FBXL4: variants seen among roughly 807,000 people sequenced by gnomAD.
The protein encoded by FBXL4 is F-box and leucine rich repeat protein 4.
In FBXL4, 40 loss-of-function variants were observed where a neutral mutation model predicts 58.9. That is an observed-to-expected ratio of 0.68 (90% confidence interval 0.53 to 0.88). FBXL4 has a LOEUF of 0.88. Among genes scored for constraint, FBXL4 ranks in the 40% least tolerant of loss-of-function variants. The pLI is 0.00. For missense variants in FBXL4, 676 were observed against 734.4 expected (o/e 0.92, Z 0.92); for synonymous variants, 263 against 265.5 (o/e 0.99, Z 0.09).
chr6:98,898,935 C>T, intron 7 of FBXL4: 1 of 985,392 alleles, frequency 1.0e-6, no homozygotes, highest in Non-Finnish European at 1.2e-6. Context: ...AGCAAATGTC[C>T]TCTTACATAT....
intron 7 of FBXL4, among the ~76,000 whole-genome samples, chr6:98,882,306 A>G (rs1302148878): frequency 6.6e-6 from 1 of 152,080 alleles, no homozygotes; most frequent in Non-Finnish European, 1.5e-5. Context: ...CCTCAGAGGT[A>G]AACTTTATCA....
chr6:98,898,599 C>T (rs377746395), intron 7 of FBXL4: 14 of 958,536 alleles, frequency 1.5e-5, no homozygotes, highest in East Asian at 1.2e-4. Flanking sequence ...AGTGAGACTC[C>T]GTCTCAAAAA....
chr6:98,941,868 A>T (rs766102110), intron 1 of FBXL4, among the ~76,000 whole-genome samples: 8 of 152,140 alleles, frequency 5.3e-5, no homozygotes, highest in Non-Finnish European at 8.8e-5. Context: ...AGTTTTTTTT[A>T]AAAATCATTG....
chr6:98,901,359 G>A (rs574946837), intron 6 of FBXL4, among the ~76,000 whole-genome samples: 16 of 152,088 alleles, frequency 1.1e-4, no homozygotes, highest in African/African-American at 3.1e-4. Flanking sequence ...ACAGTGAGAC[G>A]GGGGATGCAG....
At chr6:98,932,429 T>C (rs1411498389) in intron 2 of FBXL4, among the ~76,000 whole-genome samples, 4 of 152,212 alleles carry the variant, frequency 2.6e-5, no homozygotes, top group African/African-American at 4.8e-5. Context: ...TTAAACCACA[T>C]CTTCCATATT....
At chr6:98,927,106 AG>A in intron 3 of FBXL4, 46 bp from the exon 4 acceptor site, 1 of 955,820 alleles carries the variant, frequency 1.0e-6, no homozygotes, top group African/African-American at 1.6e-5. Flanking sequence ...TTAAATAAGC[AG>A]AAAAATGCAT....
At chr6:98,889,319 T>G (rs1771142114) in intron 7 of FBXL4, among the ~76,000 whole-genome samples, 1 of 152,182 alleles carries the variant, frequency 6.6e-6, no homozygotes. Flanking sequence ...CTTTCACAAC[T>G]GCCTTCTTGT....
At chr6:98,925,587 T>TGGGG (rs1562244633) in intron 4 of FBXL4, among the ~76,000 whole-genome samples, 1 of 152,142 alleles carries the variant, frequency 6.6e-6, no homozygotes, top group Admixed American at 6.5e-5. Context: ...TGCCCATCAA[T>TGGGG]GGGGGACTAG....
intron 1 of FBXL4, among the ~76,000 whole-genome samples, chr6:98,943,038 C>T (rs1286691699): frequency 6.6e-6 from 1 of 152,046 alleles, no homozygotes; most frequent in Non-Finnish European, 1.5e-5. Flanking sequence ...TTACTTACAA[C>T]TAAACAGGCA....
intron 8 of FBXL4, among the ~76,000 whole-genome samples, chr6:98,876,830 G>C (rs1012859876): frequency 1.3e-5 from 2 of 152,114 alleles, no homozygotes; most frequent in Admixed American, 1.3e-4. Flanking sequence ...GGCTATGGAG[G>C]GCAGAGTCAC....
At chr6:98,883,983 T>C (rs188154206) in intron 7 of FBXL4, among the ~76,000 whole-genome samples, 8 of 152,098 alleles carry the variant, frequency 5.3e-5, no homozygotes, top group Non-Finnish European at 2.9e-5. Context: ...TCCATGGTCA[T>C]TAGTTAATTT....
chr6:98,940,868 G>C (rs150937096), intron 1 of FBXL4, among the ~76,000 whole-genome samples: 3 of 152,212 alleles, frequency 2.0e-5, no homozygotes, highest in South Asian at 4.1e-4. Flanking sequence ...TTTCATCTTA[G>C]ACCTGGGAAG....
intron 7 of FBXL4, among the ~76,000 whole-genome samples, chr6:98,884,558 A>C (rs1374280836): frequency 6.6e-6 from 1 of 152,216 alleles, no homozygotes; most frequent in Non-Finnish European, 1.5e-5. Context: ...CTTGATAAGA[A>C]GTCTACTGTC....
intron 4 of FBXL4, among the ~76,000 whole-genome samples, chr6:98,919,878 G>T (rs1308820361): frequency 6.6e-6 from 1 of 152,074 alleles, no homozygotes; most frequent in Non-Finnish European, 1.5e-5. Flanking sequence ...GACACCAGAC[G>T]ATGCTGGAGG....
rs985308861 is a variant in FBXL4, at chr6:98,870,766, T to C, written c.*3512A>G. ...AGAGTATGATGTTTAATATGCAATG[T>C]CATTATAGCTGTTCTTAAAGAATAC... On this transcript the variant is annotated 3_prime_UTR_variant, in exon 10 of 10. Coordinates refer to ENST00000369244, the MANE Select transcript of FBXL4 (RefSeq NM_001278716.2). 6.6e-6 allele frequency: 1 copy of C among 152,216 alleles called. No homozygotes were observed. The highest frequency in any genetic ancestry group is 1.5e-5 in the Non-Finnish European group (1 of 68,040). 9.4% of individuals were successfully genotyped at this position (152,216 alleles called of 1,614,324 possible).
chr6:98,891,994 CAG>C (rs952929437), intron 7 of FBXL4, among the ~76,000 whole-genome samples: 4 of 152,274 alleles, frequency 2.6e-5, no homozygotes, highest in African/African-American at 9.6e-5. Flanking sequence ...AACTGGACTA[CAG>C]TCCATTCATT....
chr6:98,900,712 CA>C (rs1366919279), intron 6 of FBXL4, among the ~76,000 whole-genome samples: 3 of 152,130 alleles, frequency 2.0e-5, no homozygotes, highest in Non-Finnish European at 4.4e-5. Flanking sequence ...CACATTTAAA[CA>C]ATAAAAAAAT....
intron 7 of FBXL4, among the ~76,000 whole-genome samples, chr6:98,881,607 T>C (rs192978684): frequency 1.4e-4 from 22 of 152,146 alleles, no homozygotes; most frequent in Admixed American, 1.1e-3. Context: ...AGATAAAGAT[T>C]CTCATTGAGA....
intron 6 of FBXL4, among the ~76,000 whole-genome samples, chr6:98,900,104 T>C (rs751344275): frequency 6.6e-5 from 10 of 152,190 alleles, no homozygotes; most frequent in African/African-American, 1.4e-4. Flanking sequence ...TAAACCAAGA[T>C]GAAGGTCACA....
Sources: gnomAD v4.1 joint callset for allele counts (sites outside exome capture counted in the v4.1 genomes callset) on GRCh38, gnomAD v4.1.1 for gene constraint, MANE v1.5 for transcripts, NCBI Gene and HGNC (gene_info 2026-07-23, HGNC 2026-07-21) for gene names.